INCA1: variants seen among roughly 807,000 people sequenced by gnomAD.
INCA1 encodes the protein inhibitor of CDK, cyclin A1 interacting protein 1.
Under a neutral mutation model 25.7 loss-of-function variants are expected in INCA1, and 28 were observed. The observed-to-expected ratio is 1.09, with a 90% CI of 0.81 to 1.49. The LOEUF (loss-of-function observed/expected upper bound fraction) is 1.49. Ranked by LOEUF, INCA1 falls within the 40% of genes most tolerant of loss-of-function variation. The pLI is 0.00. For missense variants in INCA1, 309 were observed against 290.9 expected, an observed-to-expected ratio of 1.06 and a Z score of -0.45; for synonymous variants, 111 against 103.6, an observed-to-expected ratio of 1.07 and a Z score of -0.43.
At chr17:4,991,484 G>C (rs980567963) in intron 2 of INCA1, among the ~76,000 whole-genome samples, 7 of 152,186 alleles carry the variant, frequency 4.6e-5, no homozygotes. Flanking sequence ...CTTGTAAATA[G>C]GAGTGTGCAG....
chr17:4,988,531 G>A (rs1156613270), exon 7 of INCA1: 1 of 1,610,304 alleles, frequency 6.2e-7, no homozygotes, highest in Non-Finnish European at 8.5e-7. Flanking sequence ...CCTGATCCAG[G>A]GGGCTCCAGG....
chr17:4,989,468 G>A, exon 5 of INCA1: 1 of 1,614,170 alleles, frequency 6.2e-7, no homozygotes, highest in Non-Finnish European at 8.5e-7. Context: ...TCCTCCAGGT[G>A]GTAAGTGACA....
intron 5 of INCA1, 21 bp downstream of exon 5, chr17:4,989,407 C>G: frequency 6.2e-7 from 1 of 1,602,840 alleles, no homozygotes; most frequent in African/African-American, 1.3e-5. Flanking sequence ...CTCCCAGAAC[C>G]CAGATGTCTC....
chr17:4,993,500 G>A (rs1039878973), intron 2 of INCA1, among the ~76,000 whole-genome samples: 2 of 150,588 alleles, frequency 1.3e-5, no homozygotes, highest in African/African-American at 4.9e-5. Flanking sequence ...ACGGAGTCTC[G>A]CTTTGTCACT....
rs577773451 is a variant in INCA1 at position 4,989,008 on chromosome 17, T to C, written c.396-64A>G. The C allele has an allele frequency of 1.1e-5, 16 of 1,510,180 alleles. No homozygotes were observed. The African/African-American group carries it at 2.1e-4, about 20-fold the overall frequency. The allele number at this position is 1,510,180 out of a possible 1,614,324, so 93.5% of individuals were successfully genotyped here. A position where few individuals can be genotyped will look rare whatever the true frequency, so the allele number is the denominator to read the frequency against. ...GCCAGGCTTCCTGTCTCTCCATTCT[T>C]CACCTTTCTGTTCTGAAATACTTCC... is the stretch of plus-strand genomic sequence containing the variant. On this transcript the variant is annotated intron_variant, in intron 5 of 6. Transcript: ENST00000576820.
intron 2 of INCA1, among the ~76,000 whole-genome samples, chr17:4,993,788 T>G (rs1974042481): frequency 7.2e-6 from 1 of 138,228 alleles, no homozygotes; most frequent in Non-Finnish European, 1.6e-5. Flanking sequence ...TTTTTTTTTT[T>G]TGAGATGGAG....
intron 1 of INCA1, among the ~76,000 whole-genome samples, chr17:4,994,850 A>G (rs1032486589): frequency 1.3e-5 from 2 of 150,928 alleles, no homozygotes; most frequent in African/African-American, 4.9e-5. Flanking sequence ...GGATGAGGCC[A>G]GTAGCAGATC....
At chr17:4,992,607 C>T (rs545294524) in intron 2 of INCA1, among the ~76,000 whole-genome samples, 4 of 148,748 alleles carry the variant, frequency 2.7e-5, no homozygotes, top group Non-Finnish European at 5.9e-5. Context: ...TTTATTTTTT[C>T]TTTCTTCTTC....
chr17:4,991,805 CCCTCA>C (rs1346894665), intron 2 of INCA1, among the ~76,000 whole-genome samples: 2 of 152,302 alleles, frequency 1.3e-5, no homozygotes, highest in African/African-American at 4.8e-5. Context: ...GTCTCACTTT[CCCTCA>C]CCTCCCACAT....
chr17:4,988,160 G>A, downstream of INCA1: 1 of 423,260 alleles, frequency 2.4e-6, no homozygotes, highest in East Asian at 4.0e-5. Context: ...TAACAGAGCA[G>A]AGAGAATACA....
chr17:4,989,878 G>C lies in INCA1; in HGVS notation c.198+12C>G. On this transcript the variant is annotated intron_variant, in intron 4 of 6. Transcript: ENST00000576820. The stretch of plus-strand genomic sequence containing the variant: ...AACAGAGAAATGTTAAACGGCAGAG[G>C]GTCTGTCTTACCAGCATGGGTGGAA... 3.1e-6 allele frequency: 5 copies of C among 1,614,194 alleles called. No homozygotes were observed. Among genetic ancestry groups the C allele is most frequent in the African/African-American group, 2.7e-5 (2 of 75,050 alleles).
At chr17:4,991,755 G>A (rs2143201385) in intron 2 of INCA1, among the ~76,000 whole-genome samples, 1 of 152,246 alleles carries the variant, frequency 6.6e-6, no homozygotes, top group East Asian at 1.9e-4. Context: ...TCAATGAAAA[G>A]CACTCAAATG....
upstream of INCA1, chr17:4,997,439 G>A (rs1974373176): frequency 6.6e-6 from 1 of 152,342 alleles, no homozygotes; most frequent in African/African-American, 2.4e-5. Context: ...TGAGGGCCAG[G>A]CGGGGACAGA....
At chr17:4,990,791 G>A (rs1465192099) in intron 2 of INCA1, among the ~76,000 whole-genome samples, 1 of 151,216 alleles carries the variant, frequency 6.6e-6, no homozygotes, top group African/African-American at 2.4e-5. Flanking sequence ...GCTGAGGCAG[G>A]AGAATCACTT....
chr17:4,993,723 C>T (rs1457921742), intron 2 of INCA1, among the ~76,000 whole-genome samples: 4 of 151,354 alleles, frequency 2.6e-5, no homozygotes, highest in Non-Finnish European at 5.9e-5. Context: ...CCACCTCGGC[C>T]TCCCAAAGTG....
chr17:4,996,480 G>C (rs1183233807), intron 1 of INCA1, among the ~76,000 whole-genome samples: 2 of 151,404 alleles, frequency 1.3e-5, no homozygotes, highest in Non-Finnish European at 2.9e-5. Flanking sequence ...TCAGGAGTTC[G>C]AGACCAGCCT....
At chr17:4,995,086 T>G (rs1974145394) in intron 1 of INCA1, among the ~76,000 whole-genome samples, 1 of 151,344 alleles carries the variant, frequency 6.6e-6, no homozygotes, top group Non-Finnish European at 1.5e-5. Context: ...ATGCCTGTAA[T>G]CCCAGCTACT....
rs79831737 is a variant in INCA1, at chr17:4,990,166, A to G, written c.144T>C (p.Leu48=). 6,170 of 1,614,158 alleles carry G rather than the reference A, an allele frequency of 3.8e-3. 115 individuals carry two copies. In the African/African-American group the frequency reaches 0.045, roughly 12 times the overall value. The change falls in exon 3 of 7, where the codon CTT becomes CTC. Residue 48 remains leucine, a synonymous_variant. Coordinates refer to ENST00000576820, the Ensembl canonical transcript of INCA1. ...CCTCTACTCACGTGGGCCTTTGATT[A>G]AGGTTCTTCCAGAAGACATCTCCAT... is the stretch of plus-strand genomic sequence containing the variant.
chr17:4,992,773 A>C, intron 2 of INCA1, among the ~76,000 whole-genome samples: 1 of 130,420 alleles, frequency 7.7e-6, no homozygotes, highest in East Asian at 2.3e-4. Flanking sequence ...GCAGTGCTGT[A>C]ATCATAGCTC....
Sources: allele counts gnomAD v4.1 joint callset (sites outside exome capture counted in the v4.1 genomes callset), GRCh38; gene constraint gnomAD v4.1.1; transcripts MANE v1.5; gene names NCBI Gene and HGNC (gene_info 2026-07-23, HGNC 2026-07-21).